WDR59: variants seen among roughly 807,000 people sequenced by gnomAD.
The protein encoded by WDR59 is GATOR2 complex protein WDR59.
In WDR59, 100 loss-of-function variants were observed where a neutral mutation model predicts 131.2. The ratio of observed to expected loss-of-function variants is 0.76; its 90% CI spans 0.65 to 0.90. The LOEUF (loss-of-function observed/expected upper bound fraction) is 0.90. WDR59 is among the 40% of genes least tolerant of loss of function. WDR59 has a pLI of 0.00. For missense variants in WDR59, 1,203 were observed against 1,262.2 expected (o/e 0.95, Z 0.71); for synonymous variants, 601 against 466.2 (o/e 1.29, Z -3.72).
At chr16:74,875,926 C>T (rs1316631295) in intron 25 of WDR59, among the ~76,000 whole-genome samples, 2 of 152,174 alleles carry the variant, frequency 1.3e-5, no homozygotes, top group African/African-American at 4.8e-5. Context: ...GCCTGTGTTT[C>T]CCTTCTGTCC....
rs199933563 is a variant in WDR59 at position 74,932,384 on chromosome 16, C to T, written c.651+5766G>A. Among the ~76,000 whole-genome samples the T allele has an allele frequency of 1.9e-4, 29 of 151,490 alleles. No homozygotes were observed. The East Asian group carries it at 5.4e-3, about 28-fold the overall frequency. On this transcript the variant is annotated intron_variant, in intron 8 of 25. Transcript: ENST00000262144. ...GGATTACAGGCATGAGCCACCATAC[C>T]CAGCCAAGAGTATCTTTTGAAAATT...
chr16:74,967,676 T>C (rs2033827195), intron 1 of WDR59, among the ~76,000 whole-genome samples: 2 of 151,856 alleles, frequency 1.3e-5, no homozygotes, highest in South Asian at 4.2e-4. Context: ...CTGGCCAACA[T>C]GGTGAAACCT....
intron 14 of WDR59, 27 bp downstream of exon 14, chr16:74,912,171 G>A (rs766883966): frequency 1.9e-6 from 3 of 1,614,090 alleles, no homozygotes; most frequent in South Asian, 1.1e-5. Context: ...AGAACAGCAA[G>A]GAGAATTTGG....
At chr16:74,881,404 C>A (rs1221612206) in intron 25 of WDR59, among the ~76,000 whole-genome samples, 2 of 151,436 alleles carry the variant, frequency 1.3e-5, no homozygotes, top group African/African-American at 4.9e-5. Flanking sequence ...GTTGCCCAGG[C>A]TTGTCTCGAA....
At chr16:74,969,029 C>A (rs1046171623) in intron 1 of WDR59, among the ~76,000 whole-genome samples, 2 of 152,102 alleles carry the variant, frequency 1.3e-5, no homozygotes, top group Non-Finnish European at 2.9e-5. Context: ...CCCTCTCCAC[C>A]CTCAGCACAC....
In WDR59 at chr16:74,885,663, G is replaced by A. The variant is rs749013113; in HGVS notation, c.2679C>T (p.His893=). The change falls in exon 25 of 26, where the codon CAC becomes CAT. Residue 893 remains histidine (H), a synonymous_variant. Coordinates refer to ENST00000262144, the MANE Select transcript of WDR59 (RefSeq NM_030581.4). ...LKFVSCPPDP[H]KGIEFGVYCS... Reference sequence around the variant, plus strand: ...GAAATTCATACTCACCGATCCCTTTGTGAGGGTCAGGAGGACAGGAGACAA... The same window carrying A: ...GAAATTCATACTCACCGATCCCTTTATGAGGGTCAGGAGGACAGGAGACAA... 1.9e-6 allele frequency: 3 copies of A among 1,613,846 alleles called. No individual in the cohort carries two copies. The highest frequency in any genetic ancestry group is 1.1e-5 in the South Asian group (1 of 91,064).
chr16:74,888,843 G>C (rs1300926849), intron 21 of WDR59, among the ~76,000 whole-genome samples: 2 of 152,214 alleles, frequency 1.3e-5, no homozygotes, highest in African/African-American at 4.8e-5. Context: ...GAACAACAAG[G>C]AGTGTTTCTG....
intron 6 of WDR59, among the ~76,000 whole-genome samples, chr16:74,946,622 G>A (rs546983205): frequency 9.2e-5 from 14 of 152,096 alleles, no homozygotes; most frequent in East Asian, 3.9e-4. Flanking sequence ...CTCGGGAGGC[G>A]GAGGTGGGAG....
intron 1 of WDR59, among the ~76,000 whole-genome samples, chr16:74,966,986 C>A (rs1017430336): frequency 2.0e-5 from 3 of 152,192 alleles, no homozygotes; most frequent in Non-Finnish European, 4.4e-5. Context: ...ATGCCAGTAT[C>A]ATGAAACAGT....
chr16:74,927,759 G>C (rs2030979475), intron 8 of WDR59, among the ~76,000 whole-genome samples: 1 of 151,174 alleles, frequency 6.6e-6, no homozygotes, highest in Admixed American at 6.6e-5. Context: ...GACACACTTG[G>C]TGGCAGCAAG....
Position 74,888,291 on chromosome 16 carries a change from C to G in WDR59, c.2224G>C (p.Val742Leu), listed in dbSNP as rs762056077. ...LLAHYCRLRD[V>L]QTLAMLCSVF... ...CTACAGAGCATCGCCAGTGTCTGAACATCCCGGAGCCGGCAATAGTGAGCC... is the reference window on the plus strand; with the variant it reads ...CTACAGAGCATCGCCAGTGTCTGAAGATCCCGGAGCCGGCAATAGTGAGCC... Residue 742 changes from valine to leucine, a missense_variant, in exon 22 of 26, where the codon GTT becomes CTT. Transcript: ENST00000262144. 1 of 1,613,642 alleles carries G rather than the reference C, an allele frequency of 6.2e-7. No homozygotes were observed. Among genetic ancestry groups the G allele is most frequent in the East Asian group, 2.2e-5 (1 of 44,884 alleles).
chr16:74,934,940 C>T (rs1039976337), intron 8 of WDR59, among the ~76,000 whole-genome samples: 1 of 151,830 alleles, frequency 6.6e-6, no homozygotes, highest in African/African-American at 2.4e-5. Flanking sequence ...CAGAATGTAG[C>T]AAGGGTGGTC....
At chr16:74,954,302 G>C (rs1476655788) in intron 3 of WDR59, among the ~76,000 whole-genome samples, 1 of 152,018 alleles carries the variant, frequency 6.6e-6, no homozygotes, top group African/African-American at 2.4e-5. Flanking sequence ...CAGCTACTTG[G>C]GAGGCTGAGG....
intron 5 of WDR59, 56 bp from the exon 6 acceptor site, chr16:74,948,612 G>T: frequency 7.1e-7 from 1 of 1,411,938 alleles, no homozygotes; most frequent in Non-Finnish European, 1.0e-6. Flanking sequence ...CACCCACCTG[G>T]TATTTTTCAC....
intron 2 of WDR59, among the ~76,000 whole-genome samples, chr16:74,958,592 C>CAAAAAAAGAAAAAAAAAAAAAA (rs2033408685): frequency 7.6e-5 from 1 of 13,234 alleles, no homozygotes; most frequent in African/African-American, 2.1e-4. Context: ...GACTCCATCT[C>CAAAAAAAGAAAAAAAAAAAAAA]AAAAAAAAAA....
chr16:74,878,186 A>G (rs1162634118), intron 25 of WDR59, among the ~76,000 whole-genome samples: 3 of 152,206 alleles, frequency 2.0e-5, no homozygotes, highest in African/African-American at 7.2e-5. Context: ...AATGTAAGAA[A>G]TCAAATAGGG....
At chr16:74,976,142 G>A (rs533664560) in intron 1 of WDR59, among the ~76,000 whole-genome samples, 5 of 152,244 alleles carry the variant, frequency 3.3e-5, no homozygotes, top group South Asian at 2.1e-4. Flanking sequence ...AGTAGGAACC[G>A]AAGCTGGATT....
rs1964012157 is a variant in WDR59, at chr16:74,871,531, T to C, written c.*2678A>G. The C allele has an allele frequency of 6.6e-6, 1 of 152,238 alleles. No individual in the cohort carries two copies. Among genetic ancestry groups the C allele is most frequent in the Non-Finnish European group, 1.5e-5 (1 of 68,040 alleles). 9.4% of individuals were successfully genotyped at this position (152,238 alleles called of 1,614,324 possible). ...TATTGAAGGATGACATTATGTAATA[T>C]TTTAAACTCGAAATTTCTTCACACC... On this transcript the variant is annotated 3_prime_UTR_variant, in exon 26 of 26. Coordinates refer to ENST00000262144, the MANE Select transcript of WDR59 (RefSeq NM_030581.4).
At chr16:74,902,760 AGTT>A (rs1377803357) in intron 18 of WDR59, among the ~76,000 whole-genome samples, 1 of 152,168 alleles carries the variant, frequency 6.6e-6, no homozygotes, top group Non-Finnish European at 1.5e-5. Context: ...TCATCTCTCC[AGTT>A]ACCTGCAAAC....
Sources: allele counts gnomAD v4.1 joint callset (sites outside exome capture counted in the v4.1 genomes callset), GRCh38; gene constraint gnomAD v4.1.1; transcripts MANE v1.5; gene names NCBI Gene and HGNC (gene_info 2026-07-23, HGNC 2026-07-21).